SCGN: variants seen among roughly 807,000 people sequenced by gnomAD.
SCGN encodes secretagogin.
SCGN carries 30 observed loss-of-function variants against 39.7 expected under a neutral mutation model. The ratio of observed to expected loss-of-function variants is 0.76; its 90% CI spans 0.57 to 1.03. SCGN has a LOEUF of 1.03. SCGN is among the 50% of genes least tolerant of loss of function. The pLI, the probability that SCGN is intolerant of heterozygous loss-of-function variation, is 0.00. For missense variants in SCGN, 353 were observed against 349.4 expected, an observed-to-expected ratio of 1.01 and a Z score of -0.08; for synonymous variants, 106 against 114.1, an observed-to-expected ratio of 0.93 and a Z score of 0.45.
At chr6:25,699,264 A>T (rs1759877124) in intron 10 of SCGN, among the ~76,000 whole-genome samples, 1 of 152,140 alleles carries the variant, frequency 6.6e-6, no homozygotes, top group African/African-American at 2.4e-5. Flanking sequence ...CTGAAAAGGA[A>T]TTTGGTGGAA....
At chr6:25,692,089 T>G (rs1331170401) in intron 10 of SCGN, among the ~76,000 whole-genome samples, 1 of 152,196 alleles carries the variant, frequency 6.6e-6, no homozygotes, top group Non-Finnish European at 1.5e-5. Context: ...GTCCCTTGTC[T>G]CCTCTTTTCC....
chr6:25,666,571 A>T (rs925261016), intron 4 of SCGN, among the ~76,000 whole-genome samples: 1 of 152,226 alleles, frequency 6.6e-6, no homozygotes, highest in African/African-American at 2.4e-5. Flanking sequence ...GCACCCTAAT[A>T]TGCAAGGCAC....
chr6:25,663,628 ATACT>A (rs1424933340), intron 3 of SCGN, among the ~76,000 whole-genome samples: 1 of 152,240 alleles, frequency 6.6e-6, no homozygotes, highest in Non-Finnish European at 1.5e-5. Flanking sequence ...CTAAGATCAA[ATACT>A]TAGTAAGTAA....
intron 4 of SCGN, among the ~76,000 whole-genome samples, chr6:25,667,373 C>CTTTTTTTT (rs1760440626): frequency 6.6e-6 from 1 of 151,952 alleles, no homozygotes; most frequent in Non-Finnish European, 1.5e-5. Context: ...ATTGTGAATT[C>CTTTTTTTT]TTGAATTTGT....
chr6:25,668,886 C>T (rs1003065192), intron 4 of SCGN, among the ~76,000 whole-genome samples: 2 of 152,088 alleles, frequency 1.3e-5, no homozygotes, highest in African/African-American at 4.8e-5. Flanking sequence ...CCGAGGCGGG[C>T]GGATCACAAG....
Position 25,701,275 on chromosome 6 carries a change from G to C in SCGN, c.771G>C (p.Lys257Asn), listed in dbSNP as rs1309292109. Residue 257 changes from lysine to asparagine, a missense_variant, in exon 11 of 11, where the codon AAG (lysine) becomes AAC (asparagine). Transcript: ENST00000377961. ...TCCTGCGTCACTGCGACGTGAACAA[G>C]GATGGAAAAATTCAGAAGTCTGAGC... ...EILLRHCDVN[K>N]DGKIQKSELA... 6.2e-7 allele frequency: 1 copy of C among 1,613,676 alleles called. No individual in the cohort carries two copies. The highest frequency in any genetic ancestry group is 8.5e-7 in the Non-Finnish European group (1 of 1,179,824).
Position 25,660,258 on chromosome 6 carries a change from C to T in SCGN, c.154-1294C>T, listed in dbSNP as rs560018862. ...CAACTGGATGTGGCAGCTGTTAATT[C>T]CCCACCACAATTCTCTTTCCACCGT... On this transcript the variant is annotated intron_variant, in intron 2 of 10. Transcript: ENST00000377961. Among the ~76,000 whole-genome samples, 3 of 152,248 alleles carry T rather than the reference C, an allele frequency of 2.0e-5. No homozygotes were observed. In the South Asian group the frequency reaches 6.2e-4, roughly 32 times the overall value.
intron 2 of SCGN, among the ~76,000 whole-genome samples, chr6:25,659,396 A>T (rs538588112): frequency 6.6e-6 from 1 of 152,202 alleles, no homozygotes; most frequent in African/African-American, 2.4e-5. Context: ...GGTGCGGTGG[A>T]AAGTGCACTA....
intron 10 of SCGN, among the ~76,000 whole-genome samples, chr6:25,695,983 A>C (rs1408617144): frequency 6.6e-6 from 1 of 152,210 alleles, no homozygotes; most frequent in African/African-American, 2.4e-5. Context: ...AGCCAAATAC[A>C]TTGGCTGTCT....
At chr6:25,699,589 CAAAAAA>C (rs35915067) in intron 10 of SCGN, among the ~76,000 whole-genome samples, 1 of 53,826 alleles carries the variant, frequency 1.9e-5, no homozygotes, top group South Asian at 7.6e-4. Flanking sequence ...AACTCTGTCT[CAAAAAA>C]AAAAAAAAAA....
At position 25,660,899 on chromosome 6, in the gene SCGN, C is replaced by T. The variant is rs116527227; in HGVS notation, c.154-653C>T. 3.4e-3 allele frequency among the ~76,000 whole-genome samples: 511 copies of T among 152,308 alleles called. 3 individuals are homozygous for T. Among genetic ancestry groups the T allele is most frequent in the African/African-American group, 0.012 (486 of 41,568 alleles). ...TGGGCACTGTTTGGGATTATCTATG[C>T]TTCTCAACCCTTGCATCAGAATTCA... On this transcript the variant is annotated intron_variant, in intron 2 of 10. Transcript: ENST00000377961.
intron 6 of SCGN, among the ~76,000 whole-genome samples, chr6:25,672,058 T>A (rs1194296095): frequency 6.6e-6 from 1 of 152,186 alleles, no homozygotes; most frequent in Admixed American, 6.5e-5. Flanking sequence ...CCTCACCAAC[T>A]TTTTTCACCT....
intron 2 of SCGN, among the ~76,000 whole-genome samples, chr6:25,656,542 G>A (rs1273953406): frequency 6.6e-6 from 1 of 152,108 alleles, no homozygotes; most frequent in East Asian, 1.9e-4. Context: ...TGAGATTTTA[G>A]CCAGTTCATG....
chr6:25,673,524 C>T (rs886362037), intron 6 of SCGN, among the ~76,000 whole-genome samples: 1 of 152,150 alleles, frequency 6.6e-6, no homozygotes, highest in Non-Finnish European at 1.5e-5. Context: ...ATATTTTTAG[C>T]CTAGATTCGT....
chr6:25,684,547 C>G (rs1043082484), intron 7 of SCGN, among the ~76,000 whole-genome samples: 4 of 152,152 alleles, frequency 2.6e-5, no homozygotes, highest in Non-Finnish European at 5.9e-5. Flanking sequence ...GTAATCCCAG[C>G]ACTGTGGGAG....
intron 7 of SCGN, among the ~76,000 whole-genome samples, chr6:25,682,832 T>C (rs1459434263): frequency 2.0e-5 from 3 of 152,166 alleles, no homozygotes; most frequent in Non-Finnish European, 4.4e-5. Context: ...AGGAGGTAAC[T>C]CGACAAAGTC....
rs1045249631 is a variant in SCGN at position 25,664,876 on chromosome 6, A to G, written c.247-67A>G. 20 of 1,224,424 alleles carry G rather than the reference A, an allele frequency of 1.6e-5. No homozygotes were observed. The Admixed American group carries it at 3.3e-4, about 20-fold the overall frequency. The allele number at this position is 1,224,424 out of a possible 1,614,324, so 75.8% of individuals were successfully genotyped here. On this transcript the variant is annotated intron_variant, in intron 3 of 10. Coordinates refer to ENST00000377961, the MANE Select transcript of SCGN (RefSeq NM_006998.4). ...TGGAATATGCACCACCATGCCTTTT[A>G]CCAGGGAGCACTCTTGAAATGGACA...
intron 4 of SCGN, among the ~76,000 whole-genome samples, chr6:25,668,392 G>A (rs185137950): frequency 4.5e-4 from 68 of 152,264 alleles, no homozygotes; most frequent in African/African-American, 1.6e-3. Flanking sequence ...GTTCTGGTTC[G>A]TAACTGCTTC....
chr6:25,677,359 C>T (rs374159073), intron 6 of SCGN, among the ~76,000 whole-genome samples: 18 of 152,208 alleles, frequency 1.2e-4, no homozygotes, highest in African/African-American at 4.3e-4. Context: ...AAATCATGTA[C>T]CACCTTAATA....
Sources: gnomAD v4.1 joint callset for allele counts (sites outside exome capture counted in the v4.1 genomes callset) on GRCh38, gnomAD v4.1.1 for gene constraint, MANE v1.5 for transcripts, NCBI Gene and HGNC (gene_info 2026-07-23, HGNC 2026-07-21) for gene names.